ZRANB3: variants seen among roughly 807,000 people sequenced by gnomAD.
ZRANB3 encodes the protein DNA annealing helicase and endonuclease ZRANB3.
In ZRANB3, 125 loss-of-function variants were observed where a neutral mutation model predicts 133.8. The observed-to-expected ratio is 0.93, with a 90% confidence interval of 0.81 to 1.08. ZRANB3 has a LOEUF of 1.08. Among genes scored for constraint, ZRANB3 ranks in the 50% least tolerant of loss-of-function variants. The pLI is 0.00. For missense variants in ZRANB3, 1,229 were observed against 1,275.5 expected (o/e 0.96, Z 0.56); for synonymous variants, 387 against 432.7 (o/e 0.89, Z 1.31).
Position 135,481,930 on chromosome 2 carries a change from A to G in ZRANB3, c.161+22399T>C, listed in dbSNP as rs1402351447. Among the ~76,000 whole-genome samples, 10 of 140,728 alleles carry G rather than the reference A, an allele frequency of 7.1e-5. No individual in the cohort carries two copies. In the East Asian group the frequency reaches 1.8e-3, roughly 25 times the overall value. The allele number at this position is 140,728 out of a possible 152,430, so 92.3% of individuals were successfully genotyped here. A position where few individuals can be genotyped will look rare whatever the true frequency, so the allele number is the denominator to read the frequency against. On this transcript the variant is annotated intron_variant, in intron 2 of 20. Coordinates refer to ENST00000264159, the MANE Select transcript of ZRANB3 (RefSeq NM_032143.4). ...TGTCAAAGATCAGATAGTTGTAGAT[A>G]TGCGGCGTTATTTCTGAGGGCTCTG...
intron 2 of ZRANB3, among the ~76,000 whole-genome samples, chr2:135,396,063 T>C (rs1413483647): frequency 6.6e-6 from 1 of 152,182 alleles, no homozygotes; most frequent in Non-Finnish European, 1.5e-5. Flanking sequence ...AACAGTTATA[T>C]GAAAATGTGC....
chr2:135,506,077 T>G (rs1035486986), intron 1 of ZRANB3, among the ~76,000 whole-genome samples: 2 of 152,108 alleles, frequency 1.3e-5, no homozygotes, highest in Non-Finnish European at 2.9e-5. Flanking sequence ...AAGGGCTTGG[T>G]GTTTTCGGAA....
intron 7 of ZRANB3, among the ~76,000 whole-genome samples, chr2:135,314,078 G>C (rs1041369403): frequency 1.3e-5 from 2 of 152,240 alleles, no homozygotes; most frequent in African/African-American, 4.8e-5. Context: ...TGGTTAGGCT[G>C]GTCTCGAACT....
chr2:135,245,042 T>C (rs1181208706), intron 12 of ZRANB3, among the ~76,000 whole-genome samples: 1 of 152,206 alleles, frequency 6.6e-6, no homozygotes, highest in Non-Finnish European at 1.5e-5. Context: ...TTTAATAATA[T>C]TGTGAACCAA....
chr2:135,405,571 T>C (rs920192989), intron 2 of ZRANB3, among the ~76,000 whole-genome samples: 2 of 152,178 alleles, frequency 1.3e-5, no homozygotes, highest in Non-Finnish European at 1.5e-5. Context: ...TAGTTGGAAG[T>C]AAAGCACTCC....
At chr2:135,410,961 A>G (rs984269376) in intron 2 of ZRANB3, among the ~76,000 whole-genome samples, 4 of 152,206 alleles carry the variant, frequency 2.6e-5, no homozygotes, top group Admixed American at 1.3e-4. Flanking sequence ...AAAATAGGCC[A>G]GGTGTGGTGG....
At chr2:135,459,309 G>C (rs182008264) in intron 2 of ZRANB3, among the ~76,000 whole-genome samples, 47 of 152,194 alleles carry the variant, frequency 3.1e-4, no homozygotes, top group Non-Finnish European at 5.7e-4. Flanking sequence ...GTCACCAATA[G>C]GCTTCTAAAA....
intron 1 of ZRANB3, among the ~76,000 whole-genome samples, chr2:135,527,979 T>C (rs1395425946): frequency 6.6e-6 from 1 of 152,212 alleles, no homozygotes; most frequent in African/African-American, 2.4e-5. Flanking sequence ...AATCCTGGGA[T>C]GGAATTTTGT....
intron 2 of ZRANB3, among the ~76,000 whole-genome samples, chr2:135,469,059 A>C (rs1480874597): frequency 1.3e-5 from 2 of 152,296 alleles, no homozygotes; most frequent in African/African-American, 4.8e-5. Flanking sequence ...GTTATGACTG[A>C]TTACAATTCA....
intron 2 of ZRANB3, among the ~76,000 whole-genome samples, chr2:135,492,810 T>C (rs907543682): frequency 6.6e-6 from 1 of 151,322 alleles, no homozygotes; most frequent in East Asian, 1.9e-4. Flanking sequence ...AAGAAATAGA[T>C]AGTGGAAATA....
chr2:135,460,209 T>G (rs1690702839), intron 2 of ZRANB3, among the ~76,000 whole-genome samples: 1 of 152,170 alleles, frequency 6.6e-6, no homozygotes, highest in African/African-American at 2.4e-5. Context: ...ATGGTGACTT[T>G]TAGTTTAATT....
chr2:135,455,147 A>C (rs902056174), intron 2 of ZRANB3, among the ~76,000 whole-genome samples: 7 of 141,862 alleles, frequency 4.9e-5, no homozygotes, highest in African/African-American at 1.8e-4. Context: ...TGGCCACTGA[A>C]TGGGATCACA....
At chr2:135,312,173 T>C (rs1287089962) in intron 8 of ZRANB3, among the ~76,000 whole-genome samples, 2 of 142,870 alleles carry the variant, frequency 1.4e-5, no homozygotes, top group East Asian at 2.0e-4. Context: ...TTTTATTTTA[T>C]TTTATTTTAT....
chr2:135,396,827 G>A (rs1268222322), intron 2 of ZRANB3, among the ~76,000 whole-genome samples: 1 of 152,076 alleles, frequency 6.6e-6, no homozygotes, highest in Non-Finnish European at 1.5e-5. Context: ...TGGATTGTTT[G>A]TAACATAATG....
intron 3 of ZRANB3, among the ~76,000 whole-genome samples, chr2:135,380,363 C>T (rs1165594862): frequency 6.6e-6 from 1 of 152,202 alleles, no homozygotes; most frequent in Non-Finnish European, 1.5e-5. Context: ...AATATACATT[C>T]TTCTCAGCAT....
intron 3 of ZRANB3, among the ~76,000 whole-genome samples, chr2:135,382,595 G>C (rs1011973929): frequency 2.6e-5 from 4 of 152,200 alleles, no homozygotes; most frequent in African/African-American, 9.7e-5. Flanking sequence ...AGAGAGAAAG[G>C]TGGGGTTACC....
intron 12 of ZRANB3, among the ~76,000 whole-genome samples, chr2:135,255,587 G>A (rs947006614): frequency 1.1e-4 from 17 of 152,124 alleles, no homozygotes; most frequent in African/African-American, 3.4e-4. Context: ...AGTGGCTAAC[G>A]CCTGTAATCC....
chr2:135,323,824 G>A (rs1021440022), intron 6 of ZRANB3, among the ~76,000 whole-genome samples: 1 of 151,920 alleles, frequency 6.6e-6, no homozygotes, highest in African/African-American at 2.4e-5. Context: ...CTGGAGTGCA[G>A]TGGTTCGATC....
chr2:135,255,758 G>T lies in ZRANB3; in HGVS notation c.1539+9776C>A, dbSNP rs115953101. Among the ~76,000 whole-genome samples the T allele has an allele frequency of 3.0e-3, 454 of 152,092 alleles. 2 individuals are homozygous for T. Among genetic ancestry groups the T allele is most frequent in the African/African-American group, 0.01 (430 of 41,492 alleles). The stretch of plus-strand genomic sequence containing the variant: ...GCTACTTGGGAGGCTGAGGCAGGGG[G>T]ATCACTGGACCAGGATTTCGAGGCT... On this transcript the variant is annotated intron_variant, in intron 12 of 20. Transcript: ENST00000264159.
Sources: allele counts gnomAD v4.1 joint callset (sites outside exome capture counted in the v4.1 genomes callset), GRCh38; gene constraint gnomAD v4.1.1; transcripts MANE v1.5; gene names NCBI Gene and HGNC (gene_info 2026-07-23, HGNC 2026-07-21).